Variants in CHRM5 observed in about 807,000 individuals in gnomAD.
The protein encoded by CHRM5 is muscarinic acetylcholine receptor M5.
CHRM5 carries 18 observed loss-of-function variants against 39.0 expected under a neutral mutation model. The observed-to-expected ratio is 0.46, with a 90% CI of 0.32 to 0.68. CHRM5 has a LOEUF of 0.68. CHRM5 is among the 30% of genes least tolerant of loss of function. CHRM5 has a pLI of 0.04. For missense variants in CHRM5, 515 were observed against 651.1 expected, an observed-to-expected ratio of 0.79 and a Z score of 2.28; for synonymous variants, 241 against 246.3, an observed-to-expected ratio of 0.98 and a Z score of 0.20.
At chr15:34,038,664 G>A (rs1184201802) in intron 1 of CHRM5, 3 of 1,004,068 alleles carry the variant, frequency 3.0e-6, no homozygotes, top group African/African-American at 1.7e-5. Context: ...AGGCGCCGGC[G>A]CCGCCGCCCG....
intron 1 of CHRM5, among the ~76,000 whole-genome samples, chr15:34,041,679 C>T (rs907923908): frequency 6.6e-6 from 1 of 152,140 alleles, no homozygotes; most frequent in Non-Finnish European, 1.5e-5. Context: ...TTTTTTAACA[C>T]TTATTTTGCA....
chr15:34,052,449 C>T (rs1031032459), intron 2 of CHRM5, among the ~76,000 whole-genome samples: 2 of 152,184 alleles, frequency 1.3e-5, no homozygotes, highest in Non-Finnish European at 2.9e-5. Flanking sequence ...GACAAGGGTA[C>T]TCTGTCTTAC....
At chr15:34,049,540 A>C (rs1463255134) in intron 2 of CHRM5, among the ~76,000 whole-genome samples, 3 of 152,204 alleles carry the variant, frequency 2.0e-5, no homozygotes, top group Non-Finnish European at 4.4e-5. Context: ...GATTATGTAA[A>C]GCAAAACCCA....
intron 1 of CHRM5, chr15:34,018,509 GTTTC>G (rs1163660447): frequency 6.6e-6 from 1 of 152,306 alleles, no homozygotes; most frequent in Non-Finnish European, 1.5e-5. Context: ...AGAGTTGTTT[GTTTC>G]TCCCGGTGGG....
At chr15:33,998,284 G>A (rs1042068906) in intron 1 of CHRM5, among the ~76,000 whole-genome samples, 3 of 151,974 alleles carry the variant, frequency 2.0e-5, no homozygotes, top group Non-Finnish European at 2.9e-5. Context: ...CCCCTTTTCT[G>A]GATCTATCAA....
At chr15:33,980,548 G>A (rs939904652) in intron 1 of CHRM5, among the ~76,000 whole-genome samples, 1 of 152,098 alleles carries the variant, frequency 6.6e-6, no homozygotes, top group African/African-American at 2.4e-5. Context: ...ATACATGTAT[G>A]GGTATCCTGG....
intron 1 of CHRM5, among the ~76,000 whole-genome samples, chr15:34,041,628 T>C (rs971158989): frequency 2.0e-5 from 3 of 152,230 alleles, no homozygotes; most frequent in African/African-American, 7.2e-5. Flanking sequence ...TTGAAAGGTA[T>C]GCCATTTTAG....
intron 2 of CHRM5, among the ~76,000 whole-genome samples, chr15:34,053,437 G>A (rs922344344): frequency 1.3e-5 from 2 of 149,738 alleles, no homozygotes; most frequent in African/African-American, 4.9e-5. Flanking sequence ...TGTACTACAA[G>A]GCTACAGTAA....
chr15:33,986,567 C>T (rs1422913743), intron 1 of CHRM5, among the ~76,000 whole-genome samples: 1 of 152,094 alleles, frequency 6.6e-6, no homozygotes, highest in African/African-American at 2.4e-5. Context: ...TTTTTAAAAA[C>T]CAGCAGTAAT....
chr15:33,977,010 C>A (rs1274336202), intron 1 of CHRM5, among the ~76,000 whole-genome samples: 1 of 152,092 alleles, frequency 6.6e-6, no homozygotes, highest in Non-Finnish European at 1.5e-5. Flanking sequence ...AAAGAGATAG[C>A]TAAACTCATG....
chr15:33,976,926 T>A (rs989953057), intron 1 of CHRM5, among the ~76,000 whole-genome samples: 18 of 152,270 alleles, frequency 1.2e-4, no homozygotes, highest in Admixed American at 3.9e-4. Flanking sequence ...ACATCCTGGA[T>A]GGAAGTAAAA....
chr15:34,015,895 CA>C (rs1304443669), intron 1 of CHRM5, among the ~76,000 whole-genome samples: 2 of 152,164 alleles, frequency 1.3e-5, no homozygotes, highest in Non-Finnish European at 2.9e-5. Context: ...CAATTGGAGA[CA>C]GTACATTCCT....
intron 1 of CHRM5, among the ~76,000 whole-genome samples, chr15:34,015,442 ACTGCACTCCAGCCTGG>A (rs1897852228): frequency 3.3e-5 from 5 of 152,250 alleles, no homozygotes; most frequent in African/African-American, 1.2e-4. Flanking sequence ...AGATCGCACC[ACTGCACTCCAGCCTGG>A]GTGACAGAGC....
At chr15:34,026,421 C>G (rs1898475124) in intron 1 of CHRM5, among the ~76,000 whole-genome samples, 1 of 152,022 alleles carries the variant, frequency 6.6e-6, no homozygotes, top group Non-Finnish European at 1.5e-5. Context: ...GGAAAGGAAA[C>G]ACGGATTAAT....
intron 2 of CHRM5, among the ~76,000 whole-genome samples, chr15:34,055,206 T>G (rs1484891229): frequency 7.3e-6 from 1 of 137,646 alleles, no homozygotes; most frequent in East Asian, 2.2e-4. Context: ...AAAAAAAAAG[T>G]AAATAAACAA....
In CHRM5 at chr15:34,064,383, A is replaced by T. The variant is rs1010990284; in HGVS notation, c.*67A>T. ...ACATCCTCTGAGGATGAGCAAGCTG[A>T]TTCTGGTTTGTATATTTTCAAAAAG... On this transcript the variant is annotated 3_prime_UTR_variant, in exon 3 of 3. Coordinates refer to ENST00000383263, the MANE Select transcript of CHRM5 (RefSeq NM_012125.4). 8.1e-6 allele frequency: 12 copies of T among 1,479,932 alleles called. No individual in the cohort carries two copies. Among genetic ancestry groups the T allele is most frequent in the Non-Finnish European group, 9.9e-6 (11 of 1,110,756 alleles). The allele number at this position is 1,479,932 out of a possible 1,614,324, so 91.7% of individuals were successfully genotyped here.
Position 34,064,286 on chromosome 15 carries a change from G to A in CHRM5, c.1569G>A (p.Leu523=), listed in dbSNP as rs1900452264. ...AAAAGAAAAAAGTGGAAGAGAAGTT[G>A]TACTGGCAGGGGAACAGCAAGCTAC... ...RWKKKKVEEK[L]YWQGNSKLP The change falls in exon 3 of 3, where the codon TTG becomes TTA. Residue 523 remains leucine, a synonymous_variant. Coordinates refer to ENST00000383263, the MANE Select transcript of CHRM5 (RefSeq NM_012125.4). 2 of 1,613,736 alleles carry A rather than the reference G, an allele frequency of 1.2e-6. No individual in the cohort carries two copies. Among genetic ancestry groups the A allele is most frequent in the Admixed American group, 1.7e-5 (1 of 59,960 alleles).
chr15:34,033,215 T>C (rs1043983625), intron 1 of CHRM5, among the ~76,000 whole-genome samples: 4 of 152,154 alleles, frequency 2.6e-5, no homozygotes, highest in Admixed American at 1.3e-4. Flanking sequence ...TTATGTTTAA[T>C]AACTGCAAGG....
chr15:34,038,938 TG>T, intron 1 of CHRM5: 1 of 1,094,474 alleles, frequency 9.1e-7, no homozygotes, highest in South Asian at 4.2e-5. Flanking sequence ...CCGCCGCCTC[TG>T]GCTACCGCCG....
Sources: allele counts gnomAD v4.1 joint callset (sites outside exome capture counted in the v4.1 genomes callset), GRCh38; gene constraint gnomAD v4.1.1; transcripts MANE v1.5; gene names NCBI Gene and HGNC (gene_info 2026-07-23, HGNC 2026-07-21).